The following MALRD1 variants were observed in gnomAD, a reference collection of about 807,000 sequenced individuals.
The protein encoded by MALRD1 is MAM and LDL-receptor class A domain-containing protein 1.
Under a neutral mutation model 242.1 loss-of-function variants are expected in MALRD1, and 247 were observed. That is an observed-to-expected ratio of 1.02 (90% CI 0.92 to 1.13). The LOEUF is 1.13. MALRD1 is among the 50% of genes most tolerant of loss of function. The probability of loss-of-function intolerance (pLI) is 0.00; values close to 1 mark genes in which losing one functional copy is unlikely to be tolerated. For missense variants in MALRD1, 2,989 were observed against 2,533.1 expected, an observed-to-expected ratio of 1.18 and a Z score of -3.86; for synonymous variants, 995 against 866.6, an observed-to-expected ratio of 1.15 and a Z score of -2.60.
intron 38 of MALRD1, among the ~76,000 whole-genome samples, chr10:19,714,716 T>C (rs1834301203): frequency 6.6e-6 from 1 of 152,050 alleles, no homozygotes; most frequent in Non-Finnish European, 1.5e-5. Flanking sequence ...GAAGAGATGA[T>C]AAAAGACGGG....
chr10:19,233,185 A>G (rs10827111), intron 18 of MALRD1, among the ~76,000 whole-genome samples: 33,008 of 152,112 alleles, frequency 0.22, 3,750 homozygotes, highest in Admixed American at 0.34. Flanking sequence ...CCATCCCCTC[A>G]AGCATTTATC....
intron 19 of MALRD1, among the ~76,000 whole-genome samples, chr10:19,264,771 T>C (rs997847694): frequency 2.7e-5 from 4 of 150,632 alleles, no homozygotes; most frequent in African/African-American, 9.9e-5. Context: ...TCTTAAAAAA[T>C]GAGTTTGAAA....
chr10:19,597,769 T>G (rs1221143307), intron 34 of MALRD1, among the ~76,000 whole-genome samples: 1 of 152,160 alleles, frequency 6.6e-6, no homozygotes, highest in African/African-American at 2.4e-5. Flanking sequence ...GACAAGCACC[T>G]CGTGTTAGAA....
chr10:19,403,587 T>C (rs908344878), intron 28 of MALRD1, among the ~76,000 whole-genome samples: 10 of 152,192 alleles, frequency 6.6e-5, no homozygotes, highest in African/African-American at 2.4e-4. Context: ...CTTAGAGACT[T>C]AAGGTTAAAA....
At chr10:19,240,151 G>A (rs903031107) in intron 18 of MALRD1, among the ~76,000 whole-genome samples, 1 of 151,880 alleles carries the variant, frequency 6.6e-6, no homozygotes, top group Non-Finnish European at 1.5e-5. Context: ...CATTTTTTGT[G>A]TATCGTAAAT....
At chr10:19,142,197 A>AAAAAAG (rs1833573050) in intron 10 of MALRD1, among the ~76,000 whole-genome samples, 6 of 148,578 alleles carry the variant, frequency 4.0e-5, no homozygotes, top group Non-Finnish European at 6.0e-5. Context: ...AAAAAAAAAA[A>AAAAAAG]GTGGAATGCT....
chr10:19,290,723 C>T (rs2027120), intron 21 of MALRD1, among the ~76,000 whole-genome samples: 1 of 152,104 alleles, frequency 6.6e-6, no homozygotes, highest in African/African-American at 2.4e-5. Flanking sequence ...TGTGAGTTCT[C>T]TTCAGCTGAG....
intron 38 of MALRD1, among the ~76,000 whole-genome samples, chr10:19,726,483 C>A (rs1248445845): frequency 6.6e-6 from 1 of 151,692 alleles, no homozygotes; most frequent in African/African-American, 2.4e-5. Flanking sequence ...AAATAGAAAC[C>A]CTCACACATT....
chr10:19,628,720 A>G (rs1839784753), intron 36 of MALRD1, among the ~76,000 whole-genome samples: 1 of 152,218 alleles, frequency 6.6e-6, no homozygotes, highest in African/African-American at 2.4e-5. Flanking sequence ...AACTTAAAAA[A>G]GCATTAAAAA....
chr10:19,366,586 ATTG>A (rs1477902325), intron 26 of MALRD1, among the ~76,000 whole-genome samples: 1 of 151,926 alleles, frequency 6.6e-6, no homozygotes, highest in Non-Finnish European at 1.5e-5. Context: ...ACATATCCAT[ATTG>A]TTCTATTGTT....
intron 36 of MALRD1, among the ~76,000 whole-genome samples, chr10:19,663,720 C>A (rs1841546302): frequency 6.6e-6 from 1 of 152,114 alleles, no homozygotes; most frequent in Non-Finnish European, 1.5e-5. Context: ...GGCTCTCAAA[C>A]CCTTCATCTG....
chr10:19,526,001 G>A (rs10827526), intron 31 of MALRD1, among the ~76,000 whole-genome samples: 95,075 of 151,976 alleles, frequency 0.63, 33,315 homozygotes, highest in Non-Finnish European at 0.76. Flanking sequence ...TATAAATAAA[G>A]CGAGTTGGTT....
intron 26 of MALRD1, among the ~76,000 whole-genome samples, chr10:19,374,668 C>G (rs1357403576): frequency 6.6e-6 from 1 of 152,152 alleles, no homozygotes; most frequent in African/African-American, 2.4e-5. Context: ...AACTCAGTGT[C>G]CTGGGCAGCC....
chr10:19,669,809 A>G (rs1471780937), intron 36 of MALRD1, among the ~76,000 whole-genome samples: 1 of 152,200 alleles, frequency 6.6e-6, no homozygotes, highest in Non-Finnish European at 1.5e-5. Context: ...ATCAGGTGGT[A>G]GAGAGAGGCT....
intron 21 of MALRD1, among the ~76,000 whole-genome samples, chr10:19,294,946 A>G (rs985648423): frequency 4.6e-5 from 7 of 152,112 alleles, no homozygotes; most frequent in Admixed American, 4.6e-4. Context: ...TATATTGACC[A>G]TACTGTTTTT....
chr10:19,067,795 T>C (rs1835025317), intron 2 of MALRD1, among the ~76,000 whole-genome samples: 1 of 152,162 alleles, frequency 6.6e-6, no homozygotes, highest in South Asian at 2.1e-4. Flanking sequence ...ATGGAGCTTA[T>C]AGAAAACCTG....
intron 18 of MALRD1, among the ~76,000 whole-genome samples, chr10:19,224,609 A>G (rs1450814234): frequency 2.0e-5 from 3 of 152,088 alleles, no homozygotes; most frequent in African/African-American, 4.8e-5. Context: ...GCTTTTTTTC[A>G]TATGTTTATT....
chr10:19,615,053 A>G (rs967165617), intron 35 of MALRD1, among the ~76,000 whole-genome samples: 1 of 152,096 alleles, frequency 6.6e-6, no homozygotes, highest in African/African-American at 2.4e-5. Flanking sequence ...TAACAATAAT[A>G]TATCGTACAG....
intron 29 of MALRD1, among the ~76,000 whole-genome samples, chr10:19,460,813 A>C (rs1436844931): frequency 6.6e-6 from 1 of 152,178 alleles, no homozygotes; most frequent in Non-Finnish European, 1.5e-5. Flanking sequence ...GCAATAAAGA[A>C]GCACTTTCAA....
Sources: gnomAD v4.1 joint callset for allele counts (sites outside exome capture counted in the v4.1 genomes callset) on GRCh38, gnomAD v4.1.1 for gene constraint, MANE v1.5 for transcripts, NCBI Gene and HGNC (gene_info 2026-07-23, HGNC 2026-07-21) for gene names.